Variants in GLT1D1 observed in about 807,000 individuals in gnomAD.
GLT1D1 encodes the protein glycosyltransferase 1 domain containing 1, also known as glycosyltransferase 1 domain-containing protein 1.
A neutral mutation model predicts 28.7 loss-of-function variants in GLT1D1; 21 were observed. That is an observed-to-expected ratio of 0.73 (90% CI 0.52 to 1.05). The LOEUF is 1.05. GLT1D1 is among the 50% of genes least tolerant of loss of function. The probability of loss-of-function intolerance (pLI) is 0.00; values close to 1 mark genes in which losing one functional copy is unlikely to be tolerated. For missense variants in GLT1D1, 343 were observed against 330.6 expected, an observed-to-expected ratio of 1.04 and a Z score of -0.29; for synonymous variants, 147 against 124.8, an observed-to-expected ratio of 1.18 and a Z score of -1.19.
At chr12:128,974,664 T>G (rs1030236804) in intron 7 of GLT1D1, among the ~76,000 whole-genome samples, 4 of 152,244 alleles carry the variant, frequency 2.6e-5, no homozygotes, top group African/African-American at 9.6e-5. Context: ...CACGGGACTA[T>G]TCATACATTT....
chr12:128,982,978 A>G lies in GLT1D1; in HGVS notation c.689A>G (p.Lys230Arg). 1.2e-6 allele frequency: 2 copies of G among 1,614,104 alleles called. No homozygotes were observed. The stretch of plus-strand genomic sequence containing the variant: ...CTGGTTAGTGATCCTGCATTAGAAA[A>G]GGAAATCGTAGTGAACGGAAGGGAA... The change falls in exon 8 of 8, where the codon AAG becomes AGG. Residue 230 changes from lysine (K) to arginine (R), a missense_variant. Transcript: ENST00000281703.
chr12:128,876,161 C>A, intron 2 of GLT1D1, 99 bp downstream of exon 2: 3 of 1,098,812 alleles, frequency 2.7e-6, no homozygotes, highest in Non-Finnish European at 3.9e-6. Context: ...TCCTTTTTAT[C>A]CAGTTCAGAA....
chr12:128,902,878 A>T (rs977796529), intron 4 of GLT1D1, among the ~76,000 whole-genome samples: 1 of 151,390 alleles, frequency 6.6e-6, no homozygotes, highest in Non-Finnish European at 1.5e-5. Flanking sequence ...CCCTGTCTCT[A>T]CTGAAAATGC....
At chr12:128,972,820 T>C (rs1465992932) in intron 7 of GLT1D1, among the ~76,000 whole-genome samples, 1 of 152,214 alleles carries the variant, frequency 6.6e-6, no homozygotes, top group East Asian at 1.9e-4. Flanking sequence ...TGTATACATG[T>C]ATGGTGTATC....
chr12:128,923,563 C>G (rs1364380520), intron 4 of GLT1D1, among the ~76,000 whole-genome samples: 1 of 151,334 alleles, frequency 6.6e-6, no homozygotes, highest in Non-Finnish European at 1.5e-5. Flanking sequence ...ACTCTGTTAC[C>G]CAGGCTGGGA....
chr12:128,968,238 G>A lies in GLT1D1; in HGVS notation c.639+10595G>A, dbSNP rs549360478. Among the ~76,000 whole-genome samples the A allele has an allele frequency of 1.7e-3, 265 of 151,818 alleles. 2 individuals carry two copies. Among genetic ancestry groups the A allele is most frequent in the African/African-American group, 5.8e-3 (240 of 41,460 alleles). On this transcript the variant is annotated intron_variant, in intron 7 of 7. Coordinates refer to ENST00000281703, the MANE Select transcript of GLT1D1 (RefSeq NM_144669.3). ...TCTCCATCTCCTGACCTCGTGATCC[G>A]CCTGCCTCGGCCTCCCAAAGTGCTG...
At chr12:128,957,472 C>G (rs184037403) in intron 6 of GLT1D1, 73 bp from the exon 11 acceptor site, 1 of 989,868 alleles carries the variant, frequency 1.0e-6, no homozygotes, top group Non-Finnish European at 1.6e-6. Context: ...TATTCTGCCC[C>G]GCCCTGACTC....
chr12:128,888,926 A>G (rs1868710824), intron 3 of GLT1D1, among the ~76,000 whole-genome samples, 182 bp downstream of exon 3: 1 of 152,208 alleles, frequency 6.6e-6, no homozygotes, highest in South Asian at 2.1e-4. Flanking sequence ...AGTCATTGCT[A>G]ACAGGTTATT....
At chr12:128,896,437 A>T (rs1033013540) in intron 3 of GLT1D1, among the ~76,000 whole-genome samples, 13 of 149,176 alleles carry the variant, frequency 8.7e-5, no homozygotes, top group Non-Finnish European at 1.5e-4. Context: ...CAAATTACCA[A>T]TTTTTTTTTT....
intron 4 of GLT1D1, chr12:128,944,543 C>T (rs764462504): frequency 9.9e-6 from 8 of 808,426 alleles, no homozygotes; most frequent in Non-Finnish European, 1.8e-5. Context: ...ATGTTGTAGA[C>T]TTGGCCATTG....
Position 128,983,339 on chromosome 12 carries a change from G to A in GLT1D1, c.*249G>A. Reference sequence around the variant, plus strand: ...AGGTGCATGAGTGACTGGGTTGACTGGGACAGGGAAAGGGGAACTGGTTTT... The same window carrying A: ...AGGTGCATGAGTGACTGGGTTGACTAGGACAGGGAAAGGGGAACTGGTTTT... On this transcript the variant is annotated 3_prime_UTR_variant, in exon 8 of 8. Coordinates refer to ENST00000281703, the MANE Select transcript of GLT1D1 (RefSeq NM_144669.3). The surrounding 1 kb of genome is among the most constrained non-coding windows in gnomAD (Gnocchi z 4.7). The A allele has an allele frequency of 2.2e-6, 1 of 450,964 alleles. No homozygotes were observed. Among genetic ancestry groups the A allele is most frequent in the Non-Finnish European group, 4.0e-6 (1 of 251,606 alleles). 27.9% of individuals were successfully genotyped at this position (450,964 alleles called of 1,614,324 possible).
intron 1 of GLT1D1, among the ~76,000 whole-genome samples, chr12:128,863,962 A>C (rs1177423163): frequency 6.6e-6 from 1 of 151,544 alleles, no homozygotes; most frequent in Non-Finnish European, 1.5e-5. Context: ...AAAAAAAAAA[A>C]AAAAAAAGTG....
chr12:128,929,452 G>A (rs933543144), intron 4 of GLT1D1, among the ~76,000 whole-genome samples: 2 of 152,146 alleles, frequency 1.3e-5, no homozygotes, highest in Non-Finnish European at 2.9e-5. Flanking sequence ...TTCTGTTTCC[G>A]GTCCCTAAAG....
intron 4 of GLT1D1, among the ~76,000 whole-genome samples, chr12:128,931,377 G>A (rs1873866249): frequency 1.3e-5 from 2 of 149,864 alleles, no homozygotes; most frequent in African/African-American, 2.5e-5. Flanking sequence ...GTGCGATCTC[G>A]GCTCACTGCA....
chr12:128,959,850 AAAGGC>A (rs10537746), intron 7 of GLT1D1, among the ~76,000 whole-genome samples: 7,391 of 152,130 alleles, frequency 0.049, 558 homozygotes, highest in African/African-American at 0.17. Context: ...CCATCTCCCA[AAAGGC>A]AACGTCTATT....
At chr12:128,967,992 T>A (rs562675010) in intron 7 of GLT1D1, among the ~76,000 whole-genome samples, 1 of 152,082 alleles carries the variant, frequency 6.6e-6, no homozygotes, top group East Asian at 1.9e-4. Flanking sequence ...CTTATGTGGA[T>A]TTTGTTTTGC....
chr12:128,902,968 C>T lies in GLT1D1; in HGVS notation c.375+3681C>T, dbSNP rs897554042. Among the ~76,000 whole-genome samples the T allele has an allele frequency of 2.0e-4, 30 of 149,814 alleles. 2 individuals are homozygous for T. The highest frequency in any genetic ancestry group is 7.5e-4 in the African/African-American group (30 of 40,158). On this transcript the variant is annotated intron_variant, in intron 4 of 7. Coordinates refer to ENST00000281703, the MANE Select transcript of GLT1D1 (RefSeq NM_144669.3). ...CTGAGGCAAGAGAATTGCTTGAACC[C>T]AGGAGGCCGAGGTTGAAGTGAACAG... is the stretch of plus-strand genomic sequence containing the variant.
At chr12:128,876,100 T>C in intron 2 of GLT1D1, 38 bp downstream of exon 2, 1 of 1,570,956 alleles carries the variant, frequency 6.4e-7, no homozygotes, top group Non-Finnish European at 8.6e-7. Flanking sequence ...ACACTAGAAA[T>C]TCTGAAAACC....
intron 3 of GLT1D1, among the ~76,000 whole-genome samples, chr12:128,893,369 C>T (rs1170231523): frequency 2.6e-5 from 4 of 152,036 alleles, no homozygotes; most frequent in East Asian, 1.9e-4. Flanking sequence ...ATAGGTTAAA[C>T]GAGGTGAATT....
Sources: allele counts gnomAD v4.1 joint callset (sites outside exome capture counted in the v4.1 genomes callset), GRCh38; gene constraint gnomAD v4.1.1; non-coding constraint Gnocchi (gnomAD v3.1); transcripts MANE v1.5; gene names NCBI Gene and HGNC (gene_info 2026-07-23, HGNC 2026-07-21).